Variants in CARM1 observed in about 807,000 individuals in gnomAD.
CARM1 encodes the protein coactivator associated arginine methyltransferase 1.
Under a neutral mutation model 72.7 loss-of-function variants are expected in CARM1, and 14 were observed. The observed-to-expected ratio is 0.19, with a 90% confidence interval of 0.13 to 0.30. The LOEUF (loss-of-function observed/expected upper bound fraction) is 0.30. Among genes scored for constraint, CARM1 ranks in the 10% least tolerant of loss-of-function variants. The pLI is 1.00. For missense variants in CARM1, 432 were observed against 833.7 expected, an observed-to-expected ratio of 0.52 and a Z score of 5.93; for synonymous variants, 333 against 345.5, an observed-to-expected ratio of 0.96 and a Z score of 0.40.
chr19:10,913,898 C>T lies in CARM1; in HGVS notation c.691C>T (p.Leu231=). ...GCAGGTCTTGGTGAAGAGTAACAAC[C>T]TGACGGACCGCATCGTGGTCATCCC... ...HAEVLVKSNN[L]TDRIVVIPGK... The change falls in exon 6 of 16, where the codon CTG becomes TTG. Residue 231 remains leucine, a synonymous_variant. Transcript: ENST00000327064. 6.2e-7 allele frequency: 1 copy of T among 1,613,344 alleles called. No individual in the cohort carries two copies. The highest frequency in any genetic ancestry group is 8.5e-7 in the Non-Finnish European group (1 of 1,179,874).
At chr19:10,891,081 T>C (rs1031142821) in intron 1 of CARM1, among the ~76,000 whole-genome samples, 1 of 151,318 alleles carries the variant, frequency 6.6e-6, no homozygotes, top group African/African-American at 2.4e-5. Flanking sequence ...ACACTTGTTC[T>C]GGGCCCAATA....
chr19:10,882,914 C>T (rs2073912836), intron 1 of CARM1, among the ~76,000 whole-genome samples: 1 of 152,068 alleles, frequency 6.6e-6, no homozygotes, highest in African/African-American at 2.4e-5. Context: ...GTCTAGGGAG[C>T]ACCTTGAAGA....
intron 15 of CARM1, 44 bp downstream of exon 15, chr19:10,921,487 C>G (rs201107933): frequency 6.3e-7 from 1 of 1,578,614 alleles, no homozygotes; most frequent in Admixed American, 1.8e-5. Flanking sequence ...GCCGAGCTAG[C>G]GTGTGAGTCG....
At chr19:10,906,409 C>T (rs1024573937) in intron 2 of CARM1, among the ~76,000 whole-genome samples, 2 of 152,220 alleles carry the variant, frequency 1.3e-5, no homozygotes, top group Non-Finnish European at 2.9e-5. Flanking sequence ...CATTGTTGTG[C>T]AACTGTCACT....
chr19:10,883,286 G>A (rs1320922584), intron 1 of CARM1, among the ~76,000 whole-genome samples: 1 of 152,142 alleles, frequency 6.6e-6, no homozygotes. Context: ...ATCCCAAGTT[G>A]TCCAGGTGTG....
Position 10,905,091 on chromosome 19 carries a change from T to C in CARM1, c.346+15T>C, listed in dbSNP as rs985546845. 2 of 1,611,666 alleles carry C rather than the reference T, an allele frequency of 1.2e-6. No individual in the cohort carries two copies. The highest frequency in any genetic ancestry group is 2.7e-5 in the African/African-American group (2 of 74,908). On this transcript the variant is annotated intron_variant, in intron 2 of 15. Coordinates refer to ENST00000327064, the MANE Select transcript of CARM1 (RefSeq NM_199141.2). ...CACACCCAACGGTACGTGGCCCTCC[T>C]TCCATTCCGGTGACACCAGCCCAAA...
rs538089051 is a variant in CARM1, at chr19:10,919,236, C to T, written c.1021-359C>T. The stretch of plus-strand genomic sequence containing the variant: ...GAGCCTCTTCATTCTTTCTCACGTC[C>T]GCATGGTCTTTGATGGGAGAGCCAT... On this transcript the variant is annotated intron_variant, in intron 8 of 15. Transcript: ENST00000327064. 3 of 211,106 alleles carry T rather than the reference C, an allele frequency of 1.4e-5. No individual in the cohort carries two copies. In the South Asian group the frequency reaches 3.7e-4, roughly 26 times the overall value. 13.1% of individuals were successfully genotyped at this position (211,106 alleles called of 1,614,324 possible).
Position 10,882,534 on chromosome 19 carries a change from C to CTTTTT in CARM1, c.220+10633_220+10637dup, listed in dbSNP as rs869046901. 5.8e-4 allele frequency among the ~76,000 whole-genome samples: 50 copies of CTTTTT among 85,958 alleles called. 1 individual carries two copies. Among genetic ancestry groups the CTTTTT allele is most frequent in the East Asian group, 1.4e-3 (3 of 2,208 alleles). 56.4% of individuals were successfully genotyped at this position (85,958 alleles called of 152,430 possible). A position where few individuals can be genotyped will look rare whatever the true frequency, so the allele number is the denominator to read the frequency against. ...CCCCCCAATCTCCAGTGCACTCTGT[C>CTTTTT]TTTTTTTTTTTTTTTTTTTTTTTTT... On this transcript the variant is annotated intron_variant, in intron 1 of 15. Coordinates refer to ENST00000327064, the MANE Select transcript of CARM1 (RefSeq NM_199141.2).
rs528650354 is a variant in CARM1 at position 10,910,648 on chromosome 19, C to T, written c.558+1441C>T. On this transcript the variant is annotated intron_variant, in intron 4 of 15. Transcript: ENST00000327064. ...TGACACAATCTCGGCTCACTGCAACCTCCGCCTCCCGGGTTCAAGCAATTC... is the reference window on the plus strand; with the variant it reads ...TGACACAATCTCGGCTCACTGCAACTTCCGCCTCCCGGGTTCAAGCAATTC... 2.7e-5 allele frequency among the ~76,000 whole-genome samples: 4 copies of T among 150,768 alleles called. No individual in the cohort carries two copies. The East Asian group carries it at 7.9e-4, about 30-fold the overall frequency.
chr19:10,905,525 G>T (rs1311696572), intron 2 of CARM1, among the ~76,000 whole-genome samples: 1 of 152,236 alleles, frequency 6.6e-6, no homozygotes, highest in Non-Finnish European at 1.5e-5. Context: ...CTGACTAGGG[G>T]TGGGAGAACC....
chr19:10,913,705 G>A (rs940859804), intron 5 of CARM1, among the ~76,000 whole-genome samples, 172 bp from the exon 6 acceptor site: 4 of 152,154 alleles, frequency 2.6e-5, no homozygotes, highest in Admixed American at 6.5e-5. Flanking sequence ...GGCCCACAGT[G>A]AGCTCTTAAC....
chr19:10,879,256 T>A (rs557559615), intron 1 of CARM1, among the ~76,000 whole-genome samples: 8 of 152,224 alleles, frequency 5.3e-5, no homozygotes, highest in African/African-American at 1.4e-4. Flanking sequence ...TTAAGAAAGG[T>A]TCCCGGTAGC....
At chr19:10,921,348 C>T (rs2074246442) in intron 14 of CARM1, 27 bp from the exon 15 acceptor site, 1 of 1,609,674 alleles carries the variant, frequency 6.2e-7, no homozygotes, top group South Asian at 1.1e-5. Flanking sequence ...CGTCTCCCTT[C>T]CTTCTTTCCT....
chr19:10,884,125 T>G (rs1341539214), intron 1 of CARM1, among the ~76,000 whole-genome samples: 1 of 150,066 alleles, frequency 6.7e-6, no homozygotes, highest in African/African-American at 2.4e-5. Flanking sequence ...GGCGGATCAC[T>G]TGAGGTCAGG....
intron 1 of CARM1, among the ~76,000 whole-genome samples, chr19:10,878,798 T>G (rs562353846): frequency 6.7e-6 from 1 of 149,374 alleles, no homozygotes; most frequent in African/African-American, 2.5e-5. Context: ...ATCCAGGTCC[T>G]CCCCCCGGCT....
At chr19:10,889,548 C>T (rs1265011936) in intron 1 of CARM1, among the ~76,000 whole-genome samples, 2 of 148,760 alleles carry the variant, frequency 1.3e-5, no homozygotes, top group African/African-American at 2.5e-5. Flanking sequence ...AGGCTGGTCT[C>T]GAACTCCTGG....
In CARM1 at chr19:10,921,343, CCCTT is replaced by C. The variant is rs778876604; in HGVS notation, c.1616-26_1616-23del. ...GTGGCTGGGGGCGGTGACGCCGTCT[CCCTT>C]CCTTCTTTCCTCCCTCTCGCTGCGC... On this transcript the variant is annotated intron_variant, in intron 14 of 15. Transcript: ENST00000327064. The C allele has an allele frequency of 2.1e-5, 34 of 1,608,956 alleles. No individual in the cohort carries two copies. In the African/African-American group the frequency reaches 3.5e-4, roughly 16 times the overall value.
chr19:10,873,657 T>G lies in CARM1; in HGVS notation c.220+1735T>G, dbSNP rs1180647809. ...TTTTTTTTTTTTTTTTTTTTTTTTT[T>G]GAGACAGAGTCTTGCTCGGTCCCCC... On this transcript the variant is annotated intron_variant, in intron 1 of 15. Transcript: ENST00000327064. 1.1e-4 allele frequency among the ~76,000 whole-genome samples: 13 copies of G among 114,270 alleles called. No homozygotes were observed. In the East Asian group the frequency reaches 3.2e-3, roughly 28 times the overall value. 75.0% of individuals were successfully genotyped at this position (114,270 alleles called of 152,430 possible). A position where few individuals can be genotyped will look rare whatever the true frequency, so the allele number is the denominator to read the frequency against.
At chr19:10,880,004 A>T (rs991146863) in intron 1 of CARM1, among the ~76,000 whole-genome samples, 2 of 152,066 alleles carry the variant, frequency 1.3e-5, no homozygotes, top group Admixed American at 6.6e-5. Flanking sequence ...TCTGGATGAG[A>T]TGGGTGGGCA....
Sources: allele counts gnomAD v4.1 joint callset (sites outside exome capture counted in the v4.1 genomes callset), GRCh38; gene constraint gnomAD v4.1.1; transcripts MANE v1.5; gene names NCBI Gene and HGNC (gene_info 2026-07-23, HGNC 2026-07-21).